The following GCH1 variants were observed in gnomAD, a reference collection of about 807,000 sequenced individuals.
GCH1 encodes the protein GTP cyclohydrolase 1, also known as GTP cyclohydrolase I.
A neutral mutation model predicts 25.9 loss-of-function variants in GCH1; 5 were observed. The observed-to-expected ratio is 0.19, with a 90% CI of 0.10 to 0.41. The LOEUF is 0.41. GCH1 is among the 10% of genes least tolerant of loss of function. The pLI is 1.00. For synonymous variants in GCH1, 159 were observed against 129.6 expected (o/e 1.23, Z -1.54); for missense variants, 261 against 336.5 (o/e 0.78, Z 1.75).
intron 1 of GCH1, 92 bp from the exon 2 acceptor site, chr14:54,865,528 C>T (rs182499293): frequency 2.4e-4 from 172 of 710,280 alleles, no homozygotes; most frequent in African/African-American, 2.2e-3. Flanking sequence ...CATAAACGAA[C>T]GTTAATCCTC....
At chr14:54,882,064 T>C (rs910567034) in intron 1 of GCH1, among the ~76,000 whole-genome samples, 37 of 152,216 alleles carry the variant, frequency 2.4e-4, no homozygotes, top group Admixed American at 2.0e-3. Context: ...ATCGGTAAGA[T>C]GTAGAAATAA....
At chr14:54,897,862 A>T (rs1167444505) in intron 1 of GCH1, among the ~76,000 whole-genome samples, 2 of 152,244 alleles carry the variant, frequency 1.3e-5, no homozygotes, top group African/African-American at 4.8e-5. Context: ...AAGTACGGTC[A>T]TGCATTGCTT....
Position 54,866,445 on chromosome 14 carries a change from G to A in GCH1, c.344-1009C>T, listed in dbSNP as rs150773488. ...AGAAATACAGTAGGATTTCATTTTC[G>A]GAAAATAAATATAGACATAGAAAAA... On this transcript the variant is annotated intron_variant, in intron 1 of 5. Coordinates refer to ENST00000491895, the MANE Select transcript of GCH1 (RefSeq NM_000161.3). Among the ~76,000 whole-genome samples the A allele has an allele frequency of 7.2e-3, 1,097 of 151,834 alleles. 14 individuals are homozygous for A. Among genetic ancestry groups the A allele is most frequent in the African/African-American group, 0.024 (1,009 of 41,378 alleles).
intron 1 of GCH1, among the ~76,000 whole-genome samples, chr14:54,898,386 G>A (rs1445485564): frequency 6.6e-6 from 1 of 152,174 alleles, no homozygotes; most frequent in Non-Finnish European, 1.5e-5. Context: ...TGCATGGTAA[G>A]TGAATGTGAA....
chr14:54,865,912 A>C (rs2039983457), intron 1 of GCH1, among the ~76,000 whole-genome samples: 1 of 152,152 alleles, frequency 6.6e-6, no homozygotes, highest in South Asian at 2.1e-4. Flanking sequence ...CTCTATTATC[A>C]ATTCCCCAAG....
chr14:54,901,932 T>G (rs186750161), intron 1 of GCH1, among the ~76,000 whole-genome samples: 1 of 152,262 alleles, frequency 6.6e-6, no homozygotes, highest in Non-Finnish European at 1.5e-5. Context: ...CCGCAGCAAG[T>G]GCCCAGGTGA....
chr14:54,866,296 C>T lies in GCH1; in HGVS notation c.344-860G>A, dbSNP rs141282397. On this transcript the variant is annotated intron_variant, in intron 1 of 5. Coordinates refer to ENST00000491895, the MANE Select transcript of GCH1 (RefSeq NM_000161.3). ...GGATAGAGGGAAACAAGCCACATTC[C>T]CCACCAATCATAATATAGCCAAGCT... Among the ~76,000 whole-genome samples the T allele has an allele frequency of 2.3e-3, 348 of 151,976 alleles. 3 individuals are homozygous for T. Among genetic ancestry groups the T allele is most frequent in the African/African-American group, 8.2e-3 (338 of 41,422 alleles).
chr14:54,882,057 G>A (rs1049078793), intron 1 of GCH1, among the ~76,000 whole-genome samples: 42 of 152,148 alleles, frequency 2.8e-4, no homozygotes, highest in African/African-American at 9.4e-4. Context: ...GAAGTTTATC[G>A]GTAAGATGTA....
intron 2 of GCH1, among the ~76,000 whole-genome samples, chr14:54,863,858 T>TGTTG (rs757859893): frequency 1.3e-5 from 2 of 152,000 alleles, no homozygotes; most frequent in Non-Finnish European, 2.9e-5. Flanking sequence ...GTTGTTTGTT[T>TGTTG]GTTTGTTTGT....
Position 54,902,796 on chromosome 14 carries a change from T to A in GCH1, c.-133A>T. 8.5e-7 allele frequency: 1 copy of A among 1,172,944 alleles called. No individual in the cohort carries two copies. 72.7% of individuals were successfully genotyped at this position (1,172,944 alleles called of 1,614,324 possible). A position where few individuals can be genotyped will look rare whatever the true frequency, so the allele number is the denominator to read the frequency against. ...GAGGAAGGTACGCAACCTGCTTAGA[T>A]CACACTCCGAGCCGGGAGCGGCCAC... On this transcript the variant is annotated 5_prime_UTR_variant, in exon 1 of 6. Transcript: ENST00000491895.
At chr14:54,895,860 T>G (rs943203416) in intron 1 of GCH1, among the ~76,000 whole-genome samples, 5 of 152,142 alleles carry the variant, frequency 3.3e-5, no homozygotes, top group Non-Finnish European at 7.4e-5. Context: ...CAGTAGGGAA[T>G]AGTACTAGGA....
intron 2 of GCH1, among the ~76,000 whole-genome samples, 159 bp from the exon 3 acceptor site, chr14:54,859,895 G>C (rs191229940): frequency 1.3e-5 from 2 of 152,234 alleles, no homozygotes; most frequent in Admixed American, 1.3e-4. Context: ...CTTAGAAAAT[G>C]AAACATTTAT....
intron 1 of GCH1, 120 bp downstream of exon 1, chr14:54,902,201 G>A (rs1274473146): frequency 8.9e-6 from 10 of 1,126,756 alleles, no homozygotes; most frequent in Non-Finnish European, 1.0e-5. Flanking sequence ...GGAGGTGACA[G>A]CGCCCGGCTT....
Position 54,902,666 on chromosome 14 carries a change from A to T in GCH1, c.-3T>A. 4.2e-5 allele frequency: 60 copies of T among 1,436,154 alleles called. No individual in the cohort carries two copies. The highest frequency in any genetic ancestry group is 5.5e-5 in the Non-Finnish European group (60 of 1,098,642). 89.0% of individuals were successfully genotyped at this position (1,436,154 alleles called of 1,614,324 possible). ...GCCCGCACAGGGCCCTTCTCCATGG[A>T]CCCGCCGCAGCCGCTGCCGTTCGGG... On this transcript the variant is annotated 5_prime_UTR_variant, in exon 1 of 6. Coordinates refer to ENST00000491895, the MANE Select transcript of GCH1 (RefSeq NM_000161.3).
chr14:54,899,411 T>C (rs530338109), intron 1 of GCH1, among the ~76,000 whole-genome samples: 7 of 152,264 alleles, frequency 4.6e-5, no homozygotes, highest in Non-Finnish European at 5.9e-5. Flanking sequence ...TGAGCCGAGA[T>C]TGCGCCACTG....
intron 1 of GCH1, among the ~76,000 whole-genome samples, chr14:54,892,602 T>C (rs531621840): frequency 6.6e-6 from 1 of 151,368 alleles, no homozygotes; most frequent in African/African-American, 2.4e-5. Flanking sequence ...GGCAGGAGAA[T>C]TGCTTGAACC....
At chr14:54,889,320 A>G (rs929170965) in intron 1 of GCH1, among the ~76,000 whole-genome samples, 1 of 152,202 alleles carries the variant, frequency 6.6e-6, no homozygotes, top group Non-Finnish European at 1.5e-5. Flanking sequence ...CTGCTAACGA[A>G]CACTGTACCA....
At chr14:54,880,801 TATATACTCC>T in intron 1 of GCH1, among the ~76,000 whole-genome samples, 1 of 74,824 alleles carries the variant, frequency 1.3e-5, no homozygotes, top group African/African-American at 7.5e-5. Context: ...CATATATATA[TATATACTCC>T]ATATATATAT....
intron 1 of GCH1, among the ~76,000 whole-genome samples, chr14:54,872,692 G>A (rs555564486): frequency 6.6e-6 from 1 of 152,142 alleles, no homozygotes; most frequent in South Asian, 2.1e-4. Flanking sequence ...GGCAGGGGTT[G>A]CAATCCTAGT....
Sources: gnomAD v4.1 joint callset for allele counts (sites outside exome capture counted in the v4.1 genomes callset) on GRCh38, gnomAD v4.1.1 for gene constraint, MANE v1.5 for transcripts, NCBI Gene and HGNC (gene_info 2026-07-23, HGNC 2026-07-21) for gene names.